The following PCDHGA12 variants were observed in gnomAD, a reference collection of about 807,000 sequenced individuals.
The protein encoded by PCDHGA12 is protocadherin gamma subfamily A, 12, also known as protocadherin gamma-A12.
PCDHGA12 carries 43 observed loss-of-function variants against 61.1 expected under a neutral mutation model. The ratio of observed to expected loss-of-function variants is 0.70; its 90% CI spans 0.55 to 0.91. PCDHGA12 has a LOEUF of 0.91. Among genes scored for constraint, PCDHGA12 ranks in the 40% least tolerant of loss-of-function variants. The probability of loss-of-function intolerance (pLI) is 0.00; values close to 1 mark genes in which losing one functional copy is unlikely to be tolerated. For missense variants in PCDHGA12, 1,236 were observed against 1,227.7 expected (o/e 1.01, Z -0.10); for synonymous variants, 520 against 542.9 (o/e 0.96, Z 0.59).
At chr5:141,467,055 C>CTTTTTTTTTTT (rs1193465269) in intron 1 of PCDHGA12, among the ~76,000 whole-genome samples, 1 of 134,498 alleles carries the variant, frequency 7.4e-6, no homozygotes, top group Non-Finnish European at 1.6e-5. Context: ...TCAATGTTTT[C>CTTTTTTTTTTT]TTTTTTTTTT....
At chr5:141,467,114 G>A (rs971182917) in intron 1 of PCDHGA12, among the ~76,000 whole-genome samples, 5 of 149,522 alleles carry the variant, frequency 3.3e-5, no homozygotes, top group South Asian at 2.1e-4. Context: ...GTACAATGGT[G>A]CAATCTCAGC....
At chr5:141,436,294 G>A (rs1205368824) in intron 1 of PCDHGA12, among the ~76,000 whole-genome samples, 1 of 152,142 alleles carries the variant, frequency 6.6e-6, no homozygotes, top group Non-Finnish European at 1.5e-5. Context: ...AAATCATTGA[G>A]AGTTAGAGCA....
intron 1 of PCDHGA12, among the ~76,000 whole-genome samples, chr5:141,438,835 A>T (rs1591550617): frequency 6.7e-6 from 1 of 149,784 alleles, no homozygotes; most frequent in African/African-American, 2.5e-5. Flanking sequence ...CTAATTTTTT[A>T]AAATATTTTT....
rs151293422 is a variant in PCDHGA12, at chr5:141,487,556, A to G, written c.2425-7251A>G. ...GATGGTGAAGTCACCCAGTGCACCT[A>G]TGGCAGGGGAGCCTGTTCGCCCAAG... On this transcript the variant is annotated intron_variant, in intron 1 of 3. Coordinates refer to ENST00000252085, the MANE Select transcript of PCDHGA12 (RefSeq NM_003735.3). This position sits in a 1 kb window ranked among gnomAD's most constrained non-coding sequence, Gnocchi z 5.0. 2,837 of 1,614,100 alleles carry G rather than the reference A, an allele frequency of 1.8e-3. 31 individuals are homozygous for G. The highest frequency in any genetic ancestry group is 1.2e-3 in the South Asian group (105 of 91,084).
Position 141,490,983 on chromosome 5 carries a change from C to T in PCDHGA12, c.2425-3824C>T. ...ACTCAGCCCCCCAGCGTCTCCCTCG[C>T]TCTGCTCCTCCTGGCTCCTTGGTCA... On this transcript the variant is annotated intron_variant, in intron 1 of 3. Transcript: ENST00000252085. The surrounding 1 kb of genome is among the most constrained non-coding windows in gnomAD (Gnocchi z 5.4). 2 of 1,614,120 alleles carry T rather than the reference C, an allele frequency of 1.2e-6. No individual in the cohort carries two copies. Among genetic ancestry groups the T allele is most frequent in the South Asian group, 2.2e-5 (2 of 91,082 alleles).
chr5:141,478,532 G>T, intron 1 of PCDHGA12: 1 of 1,607,858 alleles, frequency 6.2e-7, no homozygotes, highest in East Asian at 2.2e-5. Flanking sequence ...TGCAGAGAGC[G>T]CCCCTCCCGG....
chr5:141,455,533 T>C (rs1232689740), intron 1 of PCDHGA12, among the ~76,000 whole-genome samples: 1 of 152,134 alleles, frequency 6.6e-6, no homozygotes, highest in African/African-American at 2.4e-5. Flanking sequence ...TGACCAGGCA[T>C]ATCATTCACG....
chr5:141,465,800 C>T (rs1486100601), intron 1 of PCDHGA12, among the ~76,000 whole-genome samples: 1 of 151,524 alleles, frequency 6.6e-6, no homozygotes, highest in African/African-American at 2.4e-5. Flanking sequence ...TTTAAGAAAC[C>T]CTTCAGGATC....
intron 1 of PCDHGA12, among the ~76,000 whole-genome samples, chr5:141,439,208 C>A: frequency 6.6e-6 from 1 of 151,294 alleles, no homozygotes. Flanking sequence ...AAAAAAAATC[C>A]ATATGTGAAA....
At chr5:141,437,016 T>G (rs1025489534) in intron 1 of PCDHGA12, among the ~76,000 whole-genome samples, 1 of 152,254 alleles carries the variant, frequency 6.6e-6, no homozygotes, top group Non-Finnish European at 1.5e-5. Flanking sequence ...TTAGATAATT[T>G]CACCAGAAAA....
intron 1 of PCDHGA12, among the ~76,000 whole-genome samples, chr5:141,452,019 C>T (rs1227308101): frequency 3.3e-5 from 5 of 152,194 alleles, no homozygotes; most frequent in African/African-American, 1.2e-4. Flanking sequence ...AGCCCACACT[C>T]TGGGGAGATG....
At position 141,511,436 on chromosome 5, in the gene PCDHGA12, T is replaced by C. The variant is rs1371734719; in HGVS notation, c.*263T>C. The C allele has an allele frequency of 1.5e-5, 11 of 718,486 alleles. No individual in the cohort carries two copies. The highest frequency in any genetic ancestry group is 2.2e-5 in the Non-Finnish European group (10 of 461,474). The allele number at this position is 718,486 out of a possible 1,614,324, so 44.5% of individuals were successfully genotyped here. The stretch of plus-strand genomic sequence containing the variant: ...ACCCATGGGGGTAGTGGGGTTACTG[T>C]AGACACCAAGAACCATTTGCCACAC... On this transcript the variant is annotated 3_prime_UTR_variant, in exon 4 of 4. Coordinates refer to ENST00000252085, the MANE Select transcript of PCDHGA12 (RefSeq NM_003735.3).
At chr5:141,455,270 A>T (rs2098818132) in intron 1 of PCDHGA12, among the ~76,000 whole-genome samples, 1 of 151,958 alleles carries the variant, frequency 6.6e-6, no homozygotes, top group South Asian at 2.1e-4. Context: ...CTTCCCATTG[A>T]TTATTAACAT....
intron 1 of PCDHGA12, chr5:141,475,917 C>T (rs1012431912): frequency 1.7e-6 from 1 of 599,962 alleles, no homozygotes. Context: ...AATGAAGACG[C>T]TGGAGATCGG....
rs1561863226 is a variant in PCDHGA12, at chr5:141,432,653, C to T, written c.1894C>T (p.Leu632=). Residue 632 remains leucine (L), a synonymous_variant, in exon 1 of 4, where the codon CTG becomes TTG. Transcript: ENST00000252085. The surrounding 1 kb of genome is among the most constrained non-coding windows in gnomAD (Gnocchi z 6.0). Reference sequence around the variant, plus strand: ...GGGCGAGGTGCGCACGGCGCGAGCCCTGCTGGACAGAGACGCGCTCAAGCA... The same window carrying T: ...GGGCGAGGTGCGCACGGCGCGAGCCTTGCTGGACAGAGACGCGCTCAAGCA... ...HTGEVRTARA[L]LDRDALKQSL... 5 of 1,613,852 alleles carry T rather than the reference C, an allele frequency of 3.1e-6. No individual in the cohort carries two copies. In the South Asian group the frequency reaches 4.4e-5, roughly 14 times the overall value.
At position 141,491,960 on chromosome 5, in the gene PCDHGA12, A is replaced by T. The variant is rs1380758016; in HGVS notation, c.2425-2847A>T. The T allele has an allele frequency of 1.0e-6, 1 of 984,842 alleles. No individual in the cohort carries two copies. The highest frequency in any genetic ancestry group is 3.0e-5 in the East Asian group (1 of 33,312). 61.0% of individuals were successfully genotyped at this position (984,842 alleles called of 1,614,324 possible). A position where few individuals can be genotyped will look rare whatever the true frequency, so the allele number is the denominator to read the frequency against. On this transcript the variant is annotated intron_variant, in intron 1 of 3. Coordinates refer to ENST00000252085, the MANE Select transcript of PCDHGA12 (RefSeq NM_003735.3). The surrounding 1 kb of genome is among the most constrained non-coding windows in gnomAD (Gnocchi z 6.9). ...CGACCCCCACCCCTACACTCAAAAA[A>T]GGCCGGGGCCTCCTTCGAGCTTCCG...
At chr5:141,471,932 A>T (rs1015576042) in intron 1 of PCDHGA12, among the ~76,000 whole-genome samples, 1 of 152,158 alleles carries the variant, frequency 6.6e-6, no homozygotes, top group Non-Finnish European at 1.5e-5. Context: ...GGGGGTGATG[A>T]GAGTTTTCTA....
intron 1 of PCDHGA12, among the ~76,000 whole-genome samples, chr5:141,470,036 C>T (rs573955901): frequency 5.3e-5 from 8 of 152,022 alleles, no homozygotes; most frequent in South Asian, 2.1e-4. Flanking sequence ...TGCTGAGGCG[C>T]GAGAACTGTT....
intron 2 of PCDHGA12, among the ~76,000 whole-genome samples, chr5:141,500,674 G>T (rs554174451): frequency 4.2e-4 from 64 of 152,122 alleles, no homozygotes; most frequent in Non-Finnish European, 6.6e-4. Flanking sequence ...CTGTCCAACA[G>T]AATTATAGCT....
Sources: gnomAD v4.1 joint callset for allele counts (sites outside exome capture counted in the v4.1 genomes callset) on GRCh38, gnomAD v4.1.1 for gene constraint, Gnocchi (gnomAD v3.1) non-coding constraint, MANE v1.5 for transcripts, NCBI Gene and HGNC (gene_info 2026-07-23, HGNC 2026-07-21) for gene names.